SLC35F4: variants seen among roughly 807,000 people sequenced by gnomAD.
The protein encoded by SLC35F4 is solute carrier family 35 member F4.
In SLC35F4, 24 loss-of-function variants were observed where a neutral mutation model predicts 44.2. That is an observed-to-expected ratio of 0.54 (90% confidence interval 0.39 to 0.76). The LOEUF (loss-of-function observed/expected upper bound fraction) is 0.76. SLC35F4 is among the 30% of genes least tolerant of loss of function. The pLI, the probability that SLC35F4 is intolerant of heterozygous loss-of-function variation, is 0.00. For missense variants in SLC35F4, 562 were observed against 586.1 expected, an observed-to-expected ratio of 0.96 and a Z score of 0.42; for synonymous variants, 238 against 223.6, an observed-to-expected ratio of 1.06 and a Z score of -0.57.
intron 1 of SLC35F4, among the ~76,000 whole-genome samples, chr14:57,606,593 T>C (rs1023172091): frequency 9.9e-5 from 15 of 152,212 alleles, no homozygotes. Context: ...AACTAGCTTA[T>C]TTACCTACAT....
chr14:57,688,464 T>C (rs1405358174), intron 1 of SLC35F4, among the ~76,000 whole-genome samples: 1 of 152,198 alleles, frequency 6.6e-6, no homozygotes, highest in Non-Finnish European at 1.5e-5. Context: ...TACGATGGAT[T>C]ATTTTGATGA....
intron 1 of SLC35F4, among the ~76,000 whole-genome samples, chr14:57,726,412 G>A (rs138200484): frequency 0.046 from 6,941 of 152,252 alleles, 199 homozygotes; most frequent in South Asian, 0.082. Flanking sequence ...ACCAGCTGCA[G>A]AAACAAGGAC....
intron 1 of SLC35F4, among the ~76,000 whole-genome samples, chr14:57,840,571 C>T (rs1269964507): frequency 6.6e-6 from 1 of 152,124 alleles, no homozygotes; most frequent in Non-Finnish European, 1.5e-5. Context: ...GACATTGATT[C>T]CCATGGGTGT....
chr14:57,827,515 T>C (rs1883915612), intron 1 of SLC35F4, among the ~76,000 whole-genome samples: 1 of 152,164 alleles, frequency 6.6e-6, no homozygotes. Context: ...TAAAATAATA[T>C]TAAATTATTT....
Position 57,948,856 on chromosome 14 carries a change from T to C in SLC35F4, n.282+33057A>G, listed in dbSNP as rs971625671. Among the ~76,000 whole-genome samples, 6 of 152,314 alleles carry C rather than the reference T, an allele frequency of 3.9e-5. No homozygotes were observed. The East Asian group carries it at 7.7e-4, about 20-fold the overall frequency. On this transcript the variant is annotated intron_variant and non_coding_transcript_variant, in intron 1 of 1. Coordinates refer to the SLC35F4 transcript ENST00000556568. Reference sequence around the variant, plus strand: ...ATTTGTATAGTTTTAAAAGTCCCTTTTGAAGTTAATTTCTAGTTTTATTAC... The same window carrying C: ...ATTTGTATAGTTTTAAAAGTCCCTTCTGAAGTTAATTTCTAGTTTTATTAC...
chr14:57,582,964 C>A (rs562393855), intron 3 of SLC35F4, among the ~76,000 whole-genome samples: 1 of 152,282 alleles, frequency 6.6e-6, no homozygotes, highest in South Asian at 2.1e-4. Context: ...TTGGGAGTTG[C>A]AGGTCACCGG....
chr14:57,917,725 T>C (rs763180950), intron 1 of SLC35F4, among the ~76,000 whole-genome samples: 9 of 152,188 alleles, frequency 5.9e-5, no homozygotes, highest in Non-Finnish European at 1.0e-4. Context: ...GGGGTACATG[T>C]ACAGGTTTGT....
intron 1 of SLC35F4, among the ~76,000 whole-genome samples, chr14:57,607,243 TA>T (rs2071214955): frequency 6.6e-6 from 1 of 152,046 alleles, no homozygotes. Context: ...CAGAAAGAAA[TA>T]AATGGGCAGA....
At chr14:57,895,793 T>C (rs769127046) in intron 1 of SLC35F4, among the ~76,000 whole-genome samples, 1 of 152,084 alleles carries the variant, frequency 6.6e-6, no homozygotes, top group African/African-American at 2.4e-5. Context: ...TTTATAGCAA[T>C]GTGAGAACAG....
At chr14:57,924,066 C>T (rs1334531847) in intron 1 of SLC35F4, among the ~76,000 whole-genome samples, 1 of 152,194 alleles carries the variant, frequency 6.6e-6, no homozygotes, top group Non-Finnish European at 1.5e-5. Context: ...CTCTCTTTGC[C>T]TGCTGCCATC....
At chr14:57,620,720 T>C in intron 1 of SLC35F4, among the ~76,000 whole-genome samples, 1 of 151,468 alleles carries the variant, frequency 6.6e-6, no homozygotes, top group South Asian at 2.1e-4. Context: ...TTATTGAGAG[T>C]TTTTAGCATG....
At chr14:57,650,093 G>A (rs1314665337) in intron 1 of SLC35F4, among the ~76,000 whole-genome samples, 2 of 152,058 alleles carry the variant, frequency 1.3e-5, no homozygotes, top group Non-Finnish European at 1.5e-5. Context: ...TTTCTAACGT[G>A]ACTTCTCCAC....
At chr14:57,853,716 A>G (rs947942271) in intron 1 of SLC35F4, among the ~76,000 whole-genome samples, 4 of 152,204 alleles carry the variant, frequency 2.6e-5, no homozygotes, top group Admixed American at 6.5e-5. Context: ...GAAATAGAGA[A>G]AGCCAGCCTG....
At chr14:57,858,107 T>C (rs1158129688) in intron 1 of SLC35F4, among the ~76,000 whole-genome samples, 1 of 152,002 alleles carries the variant, frequency 6.6e-6, no homozygotes, top group East Asian at 1.9e-4. Flanking sequence ...TCAACCATTG[T>C]GGGAGACAGT....
chr14:57,773,940 G>A (rs1022458425), intron 1 of SLC35F4, among the ~76,000 whole-genome samples: 2 of 152,182 alleles, frequency 1.3e-5, no homozygotes, highest in African/African-American at 4.8e-5. Context: ...AATACAAGGA[G>A]AAAATTATAA....
At chr14:57,765,457 G>A (rs372526273) in intron 1 of SLC35F4, among the ~76,000 whole-genome samples, 16 of 152,216 alleles carry the variant, frequency 1.1e-4, no homozygotes, top group South Asian at 6.2e-4. Context: ...CCACAGACAC[G>A]AGCATTTTAA....
intron 1 of SLC35F4, among the ~76,000 whole-genome samples, chr14:57,934,583 A>C (rs1456898279): frequency 6.6e-6 from 1 of 151,962 alleles, no homozygotes; most frequent in Admixed American, 6.6e-5. Context: ...CATGGCAAGC[A>C]AGGCTTGGCC....
intron 1 of SLC35F4, among the ~76,000 whole-genome samples, chr14:57,642,971 A>G (rs910835313): frequency 2.3e-4 from 35 of 152,096 alleles, no homozygotes; most frequent in African/African-American, 8.4e-4. Flanking sequence ...CTACTCTAGC[A>G]TTTTAGATAT....
rs1322569597 is a variant in SLC35F4 at position 57,880,085 on chromosome 14, G to T, written n.282+101828C>A. 3.8e-5 allele frequency among the ~76,000 whole-genome samples: 5 copies of T among 132,026 alleles called. No homozygotes were observed. In the East Asian group the frequency reaches 1.1e-3, roughly 29 times the overall value. 86.6% of individuals were successfully genotyped at this position (132,026 alleles called of 152,430 possible). A position where few individuals can be genotyped will look rare whatever the true frequency, so the allele number is the denominator to read the frequency against. On this transcript the variant is annotated intron_variant and non_coding_transcript_variant, in intron 1 of 1. Transcript: ENST00000556568. ...GGAAGGAAGGAAGGAAGGAAGGAAG[G>T]AAGGAAGGAAGGAAGGAAGGAAGGA...
Sources: allele counts gnomAD v4.1 joint callset (sites outside exome capture counted in the v4.1 genomes callset), GRCh38; gene constraint gnomAD v4.1.1; transcripts MANE v1.5; gene names NCBI Gene and HGNC (gene_info 2026-07-23, HGNC 2026-07-21).